Variants in SLC43A2 observed in about 807,000 individuals in gnomAD.
The protein encoded by SLC43A2 is solute carrier family 43 member 2.
A neutral mutation model predicts 63.2 loss-of-function variants in SLC43A2; 38 were observed. That is an observed-to-expected ratio of 0.60 (90% confidence interval 0.46 to 0.79). The LOEUF is 0.79. Ranked by LOEUF, SLC43A2 falls within the 30% of genes least tolerant of loss-of-function variation. SLC43A2 has a pLI of 0.00. For missense variants in SLC43A2, 644 were observed against 756.2 expected (o/e 0.85, Z 1.74); for synonymous variants, 322 against 331.0 (o/e 0.97, Z 0.30).
At chr17:1,591,000 C>T (rs913064282) in intron 8 of SLC43A2, 52 bp from the exon 9 acceptor site, 38 of 1,510,738 alleles carry the variant, frequency 2.5e-5, no homozygotes, top group Admixed American at 4.0e-5. Flanking sequence ...TCCCCACCAC[C>T]GGGGGGACAC....
chr17:1,576,401 T>C (rs559780252), intron 13 of SLC43A2, among the ~76,000 whole-genome samples, 196 bp downstream of exon 13: 6 of 152,140 alleles, frequency 3.9e-5, no homozygotes, highest in African/African-American at 1.2e-4. Flanking sequence ...TCTGTTCTAT[T>C]TCTCCCCAAA....
intron 10 of SLC43A2, among the ~76,000 whole-genome samples, chr17:1,584,715 A>G (rs4790651): frequency 0.9 from 136,481 of 151,620 alleles, 62,470 homozygotes; most frequent in Non-Finnish European, 0.99. Context: ...AGATACTTGG[A>G]AGCCTGAGGC....
intron 5 of SLC43A2, among the ~76,000 whole-genome samples, chr17:1,599,129 AC>A (rs921696158): frequency 4.6e-5 from 7 of 152,128 alleles, no homozygotes; most frequent in Admixed American, 2.6e-4. Context: ...TGGGCGGATC[AC>A]GAGATCGAGA....
At chr17:1,586,928 T>TGGCG in intron 9 of SLC43A2, 31 of 1,232,850 alleles carry the variant, frequency 2.5e-5, no homozygotes, top group Non-Finnish European at 3.0e-5. Flanking sequence ...TCCCTGACAA[T>TGGCG]CCCCCCCACC....
Position 1,575,460 on chromosome 17 carries a change from C to G in SLC43A2, c.*144G>C, listed in dbSNP as rs1339837353. ...TCTCCCGTCCTTCCACCACAGAGCT[C>G]CGAGGCAGGGCCCCGGGAGGGAGCG... On this transcript the variant is annotated 3_prime_UTR_variant, in exon 14 of 14. Transcript: ENST00000301335. 2 of 1,088,940 alleles carry G rather than the reference C, an allele frequency of 1.8e-6. No homozygotes were observed. Among genetic ancestry groups the G allele is most frequent in the African/African-American group, 3.1e-5 (2 of 64,014 alleles). 67.5% of individuals were successfully genotyped at this position (1,088,940 alleles called of 1,614,324 possible).
chr17:1,579,948 T>C (rs892453324), intron 11 of SLC43A2, among the ~76,000 whole-genome samples: 1 of 152,088 alleles, frequency 6.6e-6, no homozygotes, highest in African/African-American at 2.4e-5. Context: ...TTTTTTTTTT[T>C]TGGAGACAGA....
In SLC43A2 at chr17:1,590,827, G is replaced by A; in HGVS notation, c.1053C>T (p.Phe351=). 1.3e-6 allele frequency: 2 copies of A among 1,555,862 alleles called. No individual in the cohort carries two copies. The highest frequency in any genetic ancestry group is 4.7e-5 in the East Asian group (2 of 42,180). The change falls in exon 9 of 14, where the codon TTC becomes TTT. Residue 351 remains phenylalanine (F), a synonymous_variant. Coordinates refer to ENST00000301335, the MANE Select transcript of SLC43A2 (RefSeq NM_152346.3). ...YMGAMNNILK[F]LVSGDQKTVG... ...CTGTCTTCTGGTCGCCGCTGACCAG[G>A]AACTTGAGGATGTTGTTCATAGCCC...
At chr17:1,610,650 G>T (rs538293782) in intron 5 of SLC43A2, among the ~76,000 whole-genome samples, 209 of 150,558 alleles carry the variant, frequency 1.4e-3, no homozygotes, top group Non-Finnish European at 2.6e-3. Flanking sequence ...GGTCAAGGTG[G>T]GAGGATCTGT....
chr17:1,606,787 G>A lies in SLC43A2; in HGVS notation c.501+6408C>T, dbSNP rs998129280. ...GCCCCCATGGAGTGACCTGGCGTCC[G>A]CCCTCCACGGATGGCACGCGATGGC... On this transcript the variant is annotated intron_variant, in intron 5 of 13. Transcript: ENST00000301335. The surrounding 1 kb of genome is among the most constrained non-coding windows in gnomAD (Gnocchi z 4.7). Among the ~76,000 whole-genome samples the A allele has an allele frequency of 6.6e-6, 1 of 152,246 alleles. No individual in the cohort carries two copies. The highest frequency in any genetic ancestry group is 2.1e-4 in the South Asian group (1 of 4,836).
chr17:1,588,191 G>C (rs1477959247), intron 9 of SLC43A2, among the ~76,000 whole-genome samples: 5 of 152,140 alleles, frequency 3.3e-5, no homozygotes, highest in Non-Finnish European at 5.9e-5. Context: ...TTGAAGTCAG[G>C]AGTTGGAGAC....
chr17:1,601,049 C>T (rs1030558329), intron 5 of SLC43A2, among the ~76,000 whole-genome samples: 2 of 138,030 alleles, frequency 1.4e-5, no homozygotes, highest in Admixed American at 7.8e-5. Flanking sequence ...TGATTTTCCA[C>T]CCCTCCCAGT....
In SLC43A2 at chr17:1,583,397, G is replaced by A. The variant is rs2076051448; in HGVS notation, c.1218-61C>T. ...TCCCCGGAGGAAGCCGGGTGCTCCT[G>A]AGAAGTCAGGCCTCAAGCGTCGCAG... is the stretch of plus-strand genomic sequence containing the variant. On this transcript the variant is annotated intron_variant, in intron 10 of 13. Transcript: ENST00000301335. This position sits in a 1 kb window ranked among gnomAD's most constrained non-coding sequence, Gnocchi z 5.5. The A allele has an allele frequency of 3.7e-6, 6 of 1,600,028 alleles. No individual in the cohort carries two copies. Among genetic ancestry groups the A allele is most frequent in the Non-Finnish European group, 5.1e-6 (6 of 1,170,448 alleles).
chr17:1,586,302 G>C (rs1357827802), intron 9 of SLC43A2, among the ~76,000 whole-genome samples: 1 of 152,162 alleles, frequency 6.6e-6, no homozygotes, highest in Non-Finnish European at 1.5e-5. Context: ...ATGAAACCCA[G>C]AGTGTCACAA....
In SLC43A2 at chr17:1,575,787, G is replaced by A. The variant is rs541484618; in HGVS notation, c.1549-22C>T. On this transcript the variant is annotated intron_variant, in intron 13 of 13. Coordinates refer to ENST00000301335, the MANE Select transcript of SLC43A2 (RefSeq NM_152346.3). ...TCACCTGGGGAGGCAGGGAGGCCGCGCATCACAGGGCGTGGTGGTGCGCCG... is the reference window on the plus strand; with the variant it reads ...TCACCTGGGGAGGCAGGGAGGCCGCACATCACAGGGCGTGGTGGTGCGCCG... 30 of 1,593,262 alleles carry A rather than the reference G, an allele frequency of 1.9e-5. No individual in the cohort carries two copies. In the South Asian group the frequency reaches 2.7e-4, roughly 14 times the overall value.
rs1258464048 is a variant in SLC43A2, at chr17:1,606,961, C to T, written c.501+6234G>A. The stretch of plus-strand genomic sequence containing the variant: ...GACCTCTTGGGCTCTGGAAGGATGG[C>T]TCATGGCCATCTCCTTCTGGACTAC... On this transcript the variant is annotated intron_variant, in intron 5 of 13. Transcript: ENST00000301335. This position sits in a 1 kb window ranked among gnomAD's most constrained non-coding sequence, Gnocchi z 4.7. Among the ~76,000 whole-genome samples the T allele has an allele frequency of 6.6e-6, 1 of 152,220 alleles. No individual in the cohort carries two copies.
Position 1,613,201 on chromosome 17 carries a change from T to A in SLC43A2, c.495A>T (p.Ser165=). ...GFGGMCMTFT[S]LTLPNMFGDL... The stretch of plus-strand genomic sequence containing the variant: ...TTAAAAAATCTGTACTCACTGTTAA[T>A]GAGGTGAAGGTCATACACATCCCAC... Residue 165 remains serine, a synonymous_variant, in exon 5 of 14, where the codon TCA becomes TCT. Coordinates refer to ENST00000301335, the MANE Select transcript of SLC43A2 (RefSeq NM_152346.3). 1.2e-6 allele frequency: 2 copies of A among 1,613,530 alleles called. No individual in the cohort carries two copies. Among genetic ancestry groups the A allele is most frequent in the Non-Finnish European group, 1.7e-6 (2 of 1,179,576 alleles).
chr17:1,590,987 C>T (rs1212710092), intron 8 of SLC43A2, 39 bp from the exon 9 acceptor site: 2 of 1,543,084 alleles, frequency 1.3e-6, no homozygotes, highest in South Asian at 1.2e-5. Context: ...CCGGGGCACA[C>T]TGTCCCCACC....
intron 5 of SLC43A2, among the ~76,000 whole-genome samples, chr17:1,600,406 C>T (rs1409442390): frequency 2.0e-5 from 3 of 150,338 alleles, no homozygotes; most frequent in Admixed American, 6.7e-5. Context: ...CCGCCTCAGC[C>T]TCCCAAAATG....
At position 1,593,051 on chromosome 17, in the gene SLC43A2, A is replaced by T; in HGVS notation, c.594+136T>A. ...TTCATTTGTCGCCCCTGTGATGCCC[A>T]GGTGCATCCTGCCCGGGTGGGGGTG... On this transcript the variant is annotated intron_variant, in intron 6 of 13. Coordinates refer to ENST00000301335, the MANE Select transcript of SLC43A2 (RefSeq NM_152346.3). This position sits in a 1 kb window ranked among gnomAD's most constrained non-coding sequence, Gnocchi z 5.3. 1.3e-6 allele frequency: 1 copy of T among 748,028 alleles called. No homozygotes were observed. Among genetic ancestry groups the T allele is most frequent in the Non-Finnish European group, 2.3e-6 (1 of 441,626 alleles). The allele number at this position is 748,028 out of a possible 1,614,324, so 46.3% of individuals were successfully genotyped here. A position where few individuals can be genotyped will look rare whatever the true frequency, so the allele number is the denominator to read the frequency against.
Sources: allele counts gnomAD v4.1 joint callset (sites outside exome capture counted in the v4.1 genomes callset), GRCh38; gene constraint gnomAD v4.1.1; non-coding constraint Gnocchi (gnomAD v3.1); transcripts MANE v1.5; gene names NCBI Gene and HGNC (gene_info 2026-07-23, HGNC 2026-07-21).